The following CACNA2D3 variants were observed in gnomAD, a reference collection of about 807,000 sequenced individuals.
CACNA2D3 encodes the protein calcium voltage-gated channel auxiliary subunit alpha2delta 3, also known as voltage-dependent calcium channel subunit alpha-2/delta-3.
CACNA2D3 carries 60 observed loss-of-function variants against 160.6 expected under a neutral mutation model. The observed-to-expected ratio is 0.37, with a 90% CI of 0.30 to 0.46. CACNA2D3 has a LOEUF of 0.46. CACNA2D3 is among the 20% of genes least tolerant of loss of function. CACNA2D3 has a pLI of 1.00. For synonymous variants in CACNA2D3, 558 were observed against 492.9 expected, an observed-to-expected ratio of 1.13 and a Z score of -1.75; for missense variants, 1,205 against 1,365.0, an observed-to-expected ratio of 0.88 and a Z score of 1.85.
chr3:54,156,204 G>C (rs1434363812), intron 2 of CACNA2D3, among the ~76,000 whole-genome samples: 1 of 152,204 alleles, frequency 6.6e-6, no homozygotes, highest in African/African-American at 2.4e-5. Flanking sequence ...ACCAGCAGGG[G>C]AGCGGGGAAA....
intron 17 of CACNA2D3, among the ~76,000 whole-genome samples, chr3:54,862,666 C>G (rs1474087404): frequency 6.6e-6 from 1 of 152,100 alleles, no homozygotes; most frequent in East Asian, 1.9e-4. Flanking sequence ...GTCCACTGCC[C>G]AGGGACTAAG....
intron 5 of CACNA2D3, among the ~76,000 whole-genome samples, chr3:54,510,182 AGGGATGGATGGATGGAT>A (rs1416635721): frequency 1.3e-5 from 2 of 151,576 alleles, no homozygotes; most frequent in Admixed American, 1.3e-4. Flanking sequence ...GAGTGAGTGG[AGGGATGGATGGATGGAT>A]GGGTAGGTGG....
At chr3:54,988,190 T>G (rs963984622) in intron 31 of CACNA2D3, among the ~76,000 whole-genome samples, 3 of 152,232 alleles carry the variant, frequency 2.0e-5, no homozygotes, top group Admixed American at 6.5e-5. Context: ...GATGTTGTTT[T>G]AGAAAATCAA....
chr3:54,495,801 G>A (rs956795277), intron 4 of CACNA2D3, among the ~76,000 whole-genome samples: 1 of 152,124 alleles, frequency 6.6e-6, no homozygotes, highest in Non-Finnish European at 1.5e-5. Context: ...AGGAAGCTCT[G>A]TTGTGTACCT....
intron 17 of CACNA2D3, among the ~76,000 whole-genome samples, chr3:54,848,429 C>T (rs1301145172): frequency 6.6e-6 from 1 of 152,220 alleles, no homozygotes; most frequent in Non-Finnish European, 1.5e-5. Flanking sequence ...GTGGCCCAAA[C>T]AAATGCCCCA....
chr3:54,677,839 G>A (rs1474943913), intron 11 of CACNA2D3, among the ~76,000 whole-genome samples: 1 of 152,008 alleles, frequency 6.6e-6, no homozygotes, highest in Non-Finnish European at 1.5e-5. Flanking sequence ...AGGAGAGAGA[G>A]TAATTTTAGT....
At chr3:54,291,946 A>G (rs1489553133) in intron 2 of CACNA2D3, among the ~76,000 whole-genome samples, 2 of 152,234 alleles carry the variant, frequency 1.3e-5, no homozygotes, top group African/African-American at 4.8e-5. Flanking sequence ...AATGGTAAGT[A>G]ATTATTGACC....
chr3:54,274,779 C>T (rs1702700766), intron 2 of CACNA2D3, among the ~76,000 whole-genome samples: 1 of 152,222 alleles, frequency 6.6e-6, no homozygotes, highest in African/African-American at 2.4e-5. Context: ...CTGAGGGCTT[C>T]CAGGCCTTGC....
At chr3:54,595,430 G>T (rs558207769) in intron 9 of CACNA2D3, among the ~76,000 whole-genome samples, 1 of 152,014 alleles carries the variant, frequency 6.6e-6, no homozygotes, top group East Asian at 1.9e-4. Context: ...CAAGTGAAAA[G>T]CTGGCTTACT....
intron 17 of CACNA2D3, among the ~76,000 whole-genome samples, chr3:54,869,704 C>T (rs1181337433): frequency 2.6e-5 from 4 of 152,116 alleles, no homozygotes; most frequent in Non-Finnish European, 5.9e-5. Context: ...CTCAGGGGGA[C>T]ACTACTATCC....
chr3:54,861,258 G>A (rs1048352315), intron 17 of CACNA2D3, among the ~76,000 whole-genome samples: 1 of 152,108 alleles, frequency 6.6e-6, no homozygotes, highest in African/African-American at 2.4e-5. Flanking sequence ...AAGAGGAGTT[G>A]AAATCCTGAG....
At position 54,427,319 on chromosome 3, in the gene CACNA2D3, G is replaced by A. The variant is rs962989211; in HGVS notation, c.381+40545G>A. ...ATTAGCAAACATCTCGGACACATGT[G>A]CTTCTTCTCCTTGGGTCTCCCATCC... On this transcript the variant is annotated intron_variant, in intron 4 of 37. Coordinates refer to ENST00000474759, the MANE Select transcript of CACNA2D3 (RefSeq NM_018398.3). Among the ~76,000 whole-genome samples the A allele has an allele frequency of 3.3e-5, 5 of 152,212 alleles. 1 individual carries two copies. The highest frequency in any genetic ancestry group is 1.2e-4 in the African/African-American group (5 of 41,542).
At chr3:54,156,998 A>G (rs569561839) in intron 2 of CACNA2D3, among the ~76,000 whole-genome samples, 12 of 152,368 alleles carry the variant, frequency 7.9e-5, no homozygotes, top group Non-Finnish European at 1.3e-4. Flanking sequence ...TAGAACTGCT[A>G]TAACAAAATG....
chr3:54,951,999 C>T (rs559052622), intron 27 of CACNA2D3, among the ~76,000 whole-genome samples: 1 of 152,280 alleles, frequency 6.6e-6, no homozygotes, highest in Non-Finnish European at 1.5e-5. Context: ...CAGGTGCCTG[C>T]CACCATACCT....
chr3:54,533,526 G>C (rs577017353), intron 5 of CACNA2D3, among the ~76,000 whole-genome samples: 4 of 151,944 alleles, frequency 2.6e-5, no homozygotes, highest in Admixed American at 2.6e-4. Flanking sequence ...ATAGCGATGG[G>C]GTTTTGCCAT....
chr3:54,836,102 C>G (rs2106754758), intron 14 of CACNA2D3, among the ~76,000 whole-genome samples: 1 of 152,216 alleles, frequency 6.6e-6, no homozygotes, highest in Admixed American at 6.5e-5. Context: ...GGGGTTCCTG[C>G]CTGTCTCCCA....
intron 2 of CACNA2D3, among the ~76,000 whole-genome samples, chr3:54,159,047 G>A (rs1700295054): frequency 6.6e-6 from 1 of 152,176 alleles, no homozygotes; most frequent in Non-Finnish European, 1.5e-5. Context: ...AATGCCAGAA[G>A]CTTTGCCTCC....
chr3:54,335,019 A>G lies in CACNA2D3; in HGVS notation c.321+14461A>G, dbSNP rs1333696358. ...GTTATTTTGAGGGTCAAATGAGAACATTGATGTAAAGTGTTTTAGCCCAGT... is the reference window on the plus strand; with the variant it reads ...GTTATTTTGAGGGTCAAATGAGAACGTTGATGTAAAGTGTTTTAGCCCAGT... On this transcript the variant is annotated intron_variant, in intron 3 of 37. Coordinates refer to ENST00000474759, the MANE Select transcript of CACNA2D3 (RefSeq NM_018398.3). Among the ~76,000 whole-genome samples, 4 of 152,228 alleles carry G rather than the reference A, an allele frequency of 2.6e-5. 1 individual carries two copies. The highest frequency in any genetic ancestry group is 2.9e-5 in the Non-Finnish European group (2 of 68,028).
At chr3:54,643,459 C>G (rs1699566836) in intron 11 of CACNA2D3, among the ~76,000 whole-genome samples, 1 of 152,158 alleles carries the variant, frequency 6.6e-6, no homozygotes. Context: ...AAAGAGCCAT[C>G]ACCTCTGAAG....
Sources: gnomAD v4.1 joint callset for allele counts (sites outside exome capture counted in the v4.1 genomes callset) on GRCh38, gnomAD v4.1.1 for gene constraint, MANE v1.5 for transcripts, NCBI Gene and HGNC (gene_info 2026-07-23, HGNC 2026-07-21) for gene names.